TBC1D1: variants seen among roughly 807,000 people sequenced by gnomAD.
TBC1D1 encodes the protein TBC1 domain family member 1.
In TBC1D1, 89 loss-of-function variants were observed where a neutral mutation model predicts 125.6. That is an observed-to-expected ratio of 0.71 (90% CI 0.60 to 0.85). The LOEUF is 0.85. Among genes scored for constraint, TBC1D1 ranks in the 40% least tolerant of loss-of-function variants. The pLI is 0.00. For synonymous variants in TBC1D1, 565 were observed against 564.1 expected (o/e 1.00, Z -0.02); for missense variants, 1,377 against 1,469.2 (o/e 0.94, Z 1.03).
chr4:37,985,085 TG>T (rs1218635264), intron 2 of TBC1D1, among the ~76,000 whole-genome samples: 1 of 151,856 alleles, frequency 6.6e-6, no homozygotes, highest in Admixed American at 6.6e-5. Flanking sequence ...CCCGAGTAGT[TG>T]AGACTACAGG....
intron 2 of TBC1D1, among the ~76,000 whole-genome samples, chr4:37,907,484 G>A (rs1164137266): frequency 3.3e-5 from 5 of 152,028 alleles, no homozygotes; most frequent in Non-Finnish European, 5.9e-5. Context: ...GGGTTCAAGC[G>A]ATTCTCCTGC....
At chr4:38,135,500 C>G (rs956057710) in intron 19 of TBC1D1, among the ~76,000 whole-genome samples, 1 of 152,212 alleles carries the variant, frequency 6.6e-6, no homozygotes, top group Non-Finnish European at 1.5e-5. Flanking sequence ...ATTGAGGAGA[C>G]CTGACATTAA....
chr4:38,026,410 C>T (rs548151900), intron 6 of TBC1D1, among the ~76,000 whole-genome samples: 1 of 152,190 alleles, frequency 6.6e-6, no homozygotes, highest in Non-Finnish European at 1.5e-5. Context: ...AGTCACCTGG[C>T]TTCTCTGGGC....
At chr4:38,076,730 A>G (rs941541774) in intron 12 of TBC1D1, among the ~76,000 whole-genome samples, 1 of 152,122 alleles carries the variant, frequency 6.6e-6, no homozygotes, top group African/African-American at 2.4e-5. Context: ...TTCCTTAGAT[A>G]AATATATAGA....
At chr4:37,959,915 A>G (rs1055726843) in intron 2 of TBC1D1, among the ~76,000 whole-genome samples, 2 of 152,194 alleles carry the variant, frequency 1.3e-5, no homozygotes, top group African/African-American at 4.8e-5. Flanking sequence ...GAGTTGGCAA[A>G]AGGGATAACT....
At chr4:38,024,485 C>T (rs933819) in intron 6 of TBC1D1, among the ~76,000 whole-genome samples, 71,199 of 151,918 alleles carry the variant, frequency 0.47, 16,789 homozygotes, top group East Asian at 0.62. Context: ...ATTTTGCTGC[C>T]GTCGTTTTGG....
intron 2 of TBC1D1, chr4:37,960,990 T>C: frequency 6.2e-7 from 1 of 1,610,560 alleles, no homozygotes; most frequent in Non-Finnish European, 8.5e-7. Context: ...CTTCAAGCAT[T>C]CTGTCGACCC....
chr4:38,133,858 A>G (rs931634165), intron 19 of TBC1D1, among the ~76,000 whole-genome samples: 3 of 152,184 alleles, frequency 2.0e-5, no homozygotes, highest in Non-Finnish European at 4.4e-5. Flanking sequence ...CAGAGCAAGC[A>G]CTGAGGTGCA....
At chr4:38,076,933 T>C (rs1485131989) in intron 12 of TBC1D1, among the ~76,000 whole-genome samples, 3 of 152,184 alleles carry the variant, frequency 2.0e-5, no homozygotes, top group Non-Finnish European at 4.4e-5. Flanking sequence ...GATTCCAGGC[T>C]CCTGTATCTG....
intron 12 of TBC1D1, among the ~76,000 whole-genome samples, chr4:38,083,541 T>TA (rs1419778270): frequency 6.6e-6 from 1 of 152,264 alleles, no homozygotes; most frequent in Admixed American, 6.5e-5. Context: ...GACATTTTAT[T>TA]AAATGTTTAC....
intron 12 of TBC1D1, among the ~76,000 whole-genome samples, chr4:38,087,373 A>G (rs1486887557): frequency 6.6e-6 from 1 of 152,234 alleles, no homozygotes. Context: ...ACTGTTAGGA[A>G]TGTTCCATCC....
intron 17 of TBC1D1, among the ~76,000 whole-genome samples, chr4:38,121,303 A>T (rs1763814392): frequency 6.6e-6 from 1 of 152,234 alleles, no homozygotes; most frequent in Non-Finnish European, 1.5e-5. Flanking sequence ...GCAAGCTCAC[A>T]TAGGAAGATT....
intron 8 of TBC1D1, among the ~76,000 whole-genome samples, chr4:38,039,104 CTTT>C (rs776941680): frequency 1.7e-3 from 87 of 51,500 alleles, no homozygotes; most frequent in African/African-American, 2.8e-3. Flanking sequence ...GCATCATACT[CTTT>C]TTTTTTTTTT....
At chr4:37,968,014 A>G (rs1731375276) in intron 2 of TBC1D1, among the ~76,000 whole-genome samples, 1 of 152,186 alleles carries the variant, frequency 6.6e-6, no homozygotes, top group African/African-American at 2.4e-5. Flanking sequence ...CACCGATTCT[A>G]TTTTTGGAAT....
intron 2 of TBC1D1, among the ~76,000 whole-genome samples, chr4:37,979,185 A>G (rs1277380751): frequency 1.3e-5 from 2 of 152,188 alleles, no homozygotes; most frequent in Admixed American, 1.3e-4. Context: ...CCTCAAAATT[A>G]TTATTTCGAT....
At chr4:37,965,481 T>C (rs1455881733) in intron 2 of TBC1D1, among the ~76,000 whole-genome samples, 1 of 152,190 alleles carries the variant, frequency 6.6e-6, no homozygotes. Flanking sequence ...TCAGCGGATA[T>C]TGTTTTCATC....
intron 5 of TBC1D1, among the ~76,000 whole-genome samples, chr4:38,021,362 A>T (rs528642313): frequency 6.6e-6 from 1 of 152,264 alleles, no homozygotes. Context: ...ACACAGCCAA[A>T]CCATATCATT....
intron 13 of TBC1D1, among the ~76,000 whole-genome samples, chr4:38,092,879 C>A (rs1052502682): frequency 6.6e-6 from 1 of 152,026 alleles, no homozygotes; most frequent in Non-Finnish European, 1.5e-5. Flanking sequence ...TGGGGTGACT[C>A]ACACACACAC....
chr4:38,093,527 C>CCTT (rs1758793907), intron 13 of TBC1D1, among the ~76,000 whole-genome samples: 1 of 144,438 alleles, frequency 6.9e-6, no homozygotes, highest in Non-Finnish European at 1.5e-5. Flanking sequence ...TTTCCCCCCC[C>CCTT]TTTTTTTTTT....
Sources: gnomAD v4.1 joint callset for allele counts (sites outside exome capture counted in the v4.1 genomes callset) on GRCh38, gnomAD v4.1.1 for gene constraint, MANE v1.5 for transcripts, NCBI Gene and HGNC (gene_info 2026-07-23, HGNC 2026-07-21) for gene names.